Variants in CDH4 observed in about 807,000 individuals in gnomAD.
CDH4 encodes cadherin 4, also known as cadherin-4.
A neutral mutation model predicts 86.0 loss-of-function variants in CDH4; 33 were observed. The observed-to-expected ratio is 0.38, with a 90% CI of 0.29 to 0.51. The LOEUF (loss-of-function observed/expected upper bound fraction) is 0.51, where lower values mean the gene tolerates loss of function less well. CDH4 is among the 20% of genes least tolerant of loss of function. The pLI is 0.86. For missense variants in CDH4, 1,114 were observed against 1,307.4 expected, an observed-to-expected ratio of 0.85 and a Z score of 2.28; for synonymous variants, 555 against 549.4, an observed-to-expected ratio of 1.01 and a Z score of -0.14.
chr20:61,557,470 T>G (rs1360944521), intron 2 of CDH4, among the ~76,000 whole-genome samples: 1 of 152,240 alleles, frequency 6.6e-6, no homozygotes, highest in Non-Finnish European at 1.5e-5. Flanking sequence ...ATTCCATGGT[T>G]GCCGTCGAGT....
intron 2 of CDH4, among the ~76,000 whole-genome samples, chr20:61,424,032 C>T (rs947792658): frequency 1.3e-5 from 2 of 152,064 alleles, no homozygotes; most frequent in African/African-American, 2.4e-5. Context: ...TATCCACACA[C>T]TCTCATATCC....
intron 2 of CDH4, among the ~76,000 whole-genome samples, chr20:61,468,435 G>GTAT (rs2085485459): frequency 6.6e-6 from 1 of 151,930 alleles, no homozygotes; most frequent in Non-Finnish European, 1.5e-5. Flanking sequence ...TACATAGAAG[G>GTAT]TATATATATT....
At position 61,836,464 on chromosome 20, in the gene CDH4, T is replaced by C. The variant is rs1316567742; in HGVS notation, c.577-8204T>C. ...TCATTGCTAAAACTCAAAGTATGTG[T>C]GAACAGTTCTGTATGATGGTGTCAA... On this transcript the variant is annotated intron_variant, in intron 4 of 15. Coordinates refer to ENST00000614565, the MANE Select transcript of CDH4 (RefSeq NM_001794.5). Among the ~76,000 whole-genome samples, 5 of 152,376 alleles carry C rather than the reference T, an allele frequency of 3.3e-5. No homozygotes were observed. The South Asian group carries it at 6.2e-4, about 19-fold the overall frequency.
intron 6 of CDH4, among the ~76,000 whole-genome samples, chr20:61,865,910 GT>G (rs34940096): frequency 0.12 from 17,882 of 151,990 alleles, 1,259 homozygotes; most frequent in East Asian, 0.2. Context: ...TAATGGCTTA[GT>G]TTCCTGGGCT....
At chr20:61,285,885 G>A (rs1285560642) in intron 2 of CDH4, among the ~76,000 whole-genome samples, 7 of 152,234 alleles carry the variant, frequency 4.6e-5, no homozygotes, top group African/African-American at 1.2e-4. Flanking sequence ...GGGGATGGCC[G>A]TGGGCACCCA....
At chr20:61,316,135 A>T (rs987032492) in intron 2 of CDH4, among the ~76,000 whole-genome samples, 4 of 152,176 alleles carry the variant, frequency 2.6e-5, no homozygotes, top group African/African-American at 9.7e-5. Flanking sequence ...GCTGTTGGCA[A>T]GTTCCTTTGG....
intron 2 of CDH4, among the ~76,000 whole-genome samples, chr20:61,323,223 G>A (rs13036395): frequency 1.2e-3 from 189 of 152,176 alleles, no homozygotes; most frequent in African/African-American, 4.1e-3. Context: ...ACTTCTCTTC[G>A]TTAGGAGTGA....
intron 2 of CDH4, among the ~76,000 whole-genome samples, chr20:61,574,120 C>T (rs1312043947): frequency 6.6e-6 from 1 of 152,244 alleles, no homozygotes; most frequent in Admixed American, 6.5e-5. Flanking sequence ...GCCTCGTGGC[C>T]TGGGCCCCTC....
chr20:61,696,359 G>A (rs753501176), intron 2 of CDH4, among the ~76,000 whole-genome samples: 8 of 152,248 alleles, frequency 5.3e-5, no homozygotes, highest in African/African-American at 9.6e-5. Flanking sequence ...GGGCGCAGGA[G>A]GAACTGGGAG....
intron 2 of CDH4, among the ~76,000 whole-genome samples, chr20:61,692,261 CTGTATGTGTGTCTT>C (rs1568759206): frequency 4.0e-5 from 6 of 148,462 alleles, no homozygotes; most frequent in African/African-American, 1.5e-4. Flanking sequence ...ATGTGTGTGT[CTGTATGTGTGTCTT>C]TGTGTGTGTG....
intron 2 of CDH4, among the ~76,000 whole-genome samples, chr20:61,593,253 A>G (rs948867829): frequency 1.3e-5 from 2 of 152,242 alleles, no homozygotes; most frequent in Non-Finnish European, 2.9e-5. Flanking sequence ...GGGCTGATGC[A>G]CACAGGGTGT....
At chr20:61,591,154 C>T (rs2086516863) in intron 2 of CDH4, among the ~76,000 whole-genome samples, 1 of 152,156 alleles carries the variant, frequency 6.6e-6, no homozygotes, top group Admixed American at 6.5e-5. Flanking sequence ...TTGATAAGTA[C>T]AAGAGGCGGA....
chr20:61,839,693 TTGTG>T (rs776019519), intron 4 of CDH4, among the ~76,000 whole-genome samples: 2 of 151,484 alleles, frequency 1.3e-5, no homozygotes, highest in Admixed American at 6.6e-5. Context: ...TATTGTGTAT[TTGTG>T]TGTTTGTTTA....
intron 2 of CDH4, among the ~76,000 whole-genome samples, chr20:61,349,908 C>T (rs997994067): frequency 2.0e-5 from 3 of 152,162 alleles, no homozygotes; most frequent in African/African-American, 4.8e-5. Context: ...TGCTACCATT[C>T]GAGCGAGTGG....
chr20:61,574,396 A>G (rs2086367222), intron 2 of CDH4, among the ~76,000 whole-genome samples: 1 of 152,214 alleles, frequency 6.6e-6, no homozygotes, highest in South Asian at 2.1e-4. Flanking sequence ...AGTGGGAGTC[A>G]TGGAGCACCT....
At chr20:61,658,275 A>G (rs1023415558) in intron 2 of CDH4, among the ~76,000 whole-genome samples, 2 of 151,592 alleles carry the variant, frequency 1.3e-5, no homozygotes, top group African/African-American at 4.9e-5. Context: ...CCGAGTCACC[A>G]TCCTCTCCGA....
At chr20:61,731,362 A>G (rs1283438093) in intron 2 of CDH4, among the ~76,000 whole-genome samples, 2 of 152,008 alleles carry the variant, frequency 1.3e-5, no homozygotes, top group Admixed American at 1.3e-4. Context: ...ACCCTCCTAG[A>G]TGGTTCTGAG....
chr20:61,655,298 T>C (rs2087175229), intron 2 of CDH4, among the ~76,000 whole-genome samples: 1 of 152,218 alleles, frequency 6.6e-6, no homozygotes, highest in Non-Finnish European at 1.5e-5. Flanking sequence ...ATGTGCCCTG[T>C]AGTTTCCAGT....
intron 3 of CDH4, among the ~76,000 whole-genome samples, chr20:61,765,470 G>A (rs532638423): frequency 6.2e-4 from 95 of 152,322 alleles, no homozygotes; most frequent in African/African-American, 2.2e-3. Context: ...CTGAAGCCAC[G>A]AAGCCACAGT....
Sources: gnomAD v4.1 joint callset for allele counts (sites outside exome capture counted in the v4.1 genomes callset) on GRCh38, gnomAD v4.1.1 for gene constraint, MANE v1.5 for transcripts, NCBI Gene and HGNC (gene_info 2026-07-23, HGNC 2026-07-21) for gene names.